Variants in MYO16 observed in about 807,000 individuals in gnomAD.
MYO16 encodes the protein unconventional myosin-XVI.
In MYO16, 94 loss-of-function variants were observed where a neutral mutation model predicts 205.3. That is an observed-to-expected ratio of 0.46 (90% CI 0.39 to 0.54). The LOEUF (loss-of-function observed/expected upper bound fraction) is 0.54. Among genes scored for constraint, MYO16 ranks in the 20% least tolerant of loss-of-function variants. The pLI is 0.00. For synonymous variants in MYO16, 988 were observed against 954.0 expected (o/e 1.04, Z -0.66); for missense variants, 2,315 against 2,387.5 (o/e 0.97, Z 0.63).
intron 33 of MYO16, among the ~76,000 whole-genome samples, chr13:109,172,896 G>A (rs2139897032): frequency 6.6e-6 from 1 of 152,330 alleles, no homozygotes; most frequent in African/African-American, 2.4e-5. Context: ...TAGTAGATCA[G>A]TGCTTTATGA....
At chr13:108,760,001 T>TG (rs1286130500) in intron 4 of MYO16, among the ~76,000 whole-genome samples, 1 of 152,232 alleles carries the variant, frequency 6.6e-6, no homozygotes, top group Non-Finnish European at 1.5e-5. Context: ...CAATGTGTAA[T>TG]GATCAGATCA....
the MYO16 span, among the ~76,000 whole-genome samples, chr13:108,574,065 C>G: frequency 6.6e-6 from 1 of 152,246 alleles, no homozygotes; most frequent in African/African-American, 2.4e-5. Flanking sequence ...GTTACCCAGG[C>G]TGGTCTCAAA....
chr13:108,574,264 G>A, the MYO16 span, among the ~76,000 whole-genome samples: 1 of 152,150 alleles, frequency 6.6e-6, no homozygotes, highest in African/African-American at 2.4e-5. Flanking sequence ...CCAGCTTTCT[G>A]TAGTTCTAGG....
chr13:109,084,406 A>G (rs1001110925), intron 27 of MYO16, among the ~76,000 whole-genome samples: 1 of 152,168 alleles, frequency 6.6e-6, no homozygotes, highest in Non-Finnish European at 1.5e-5. Flanking sequence ...GTGCCAATTA[A>G]AGTTACATTG....
At chr13:108,630,760 G>A (rs1449080258) in intron 1 of MYO16, among the ~76,000 whole-genome samples, 2 of 152,082 alleles carry the variant, frequency 1.3e-5, no homozygotes, top group Non-Finnish European at 2.9e-5. Context: ...GCATATTAAG[G>A]GAACACATGT....
intron 7 of MYO16, among the ~76,000 whole-genome samples, chr13:108,807,203 T>C (rs1566341569): frequency 6.6e-6 from 1 of 152,206 alleles, no homozygotes; most frequent in South Asian, 2.1e-4. Flanking sequence ...TATATGGAGA[T>C]TTAAGTTAAT....
intron 4 of MYO16, among the ~76,000 whole-genome samples, chr13:108,743,130 A>G (rs1201804989): frequency 1.3e-5 from 2 of 152,206 alleles, no homozygotes; most frequent in Admixed American, 6.5e-5. Flanking sequence ...TTACATTGGT[A>G]TTAATTACTT....
At chr13:108,926,099 T>G (rs1398148199) in intron 16 of MYO16, among the ~76,000 whole-genome samples, 1 of 152,210 alleles carries the variant, frequency 6.6e-6, no homozygotes, top group East Asian at 1.9e-4. Context: ...GGAAACCTCC[T>G]TAATTTTCAG....
At chr13:108,880,291 A>C (rs895695347) in intron 12 of MYO16, among the ~76,000 whole-genome samples, 1 of 151,906 alleles carries the variant, frequency 6.6e-6, no homozygotes, top group African/African-American at 2.4e-5. Context: ...GATTGCAAAA[A>C]TTTTCTCCCA....
At chr13:108,871,348 G>GTGTGTA (rs1555307572) in intron 12 of MYO16, among the ~76,000 whole-genome samples, 1 of 145,494 alleles carries the variant, frequency 6.9e-6, no homozygotes, top group East Asian at 2.3e-4. Flanking sequence ...GTGTGTGTGT[G>GTGTGTA]TGTGTGTGTG....
intron 4 of MYO16, among the ~76,000 whole-genome samples, chr13:108,750,668 G>C: frequency 6.6e-6 from 1 of 150,844 alleles, no homozygotes; most frequent in Non-Finnish European, 1.5e-5. Flanking sequence ...TTAGCCAAGC[G>C]TGGTGGCGTG....
chr13:108,524,225 G>A, the MYO16 span, among the ~76,000 whole-genome samples: 1 of 151,874 alleles, frequency 6.6e-6, no homozygotes. Context: ...GCTTGAACCT[G>A]GGAAGCAGAG....
chr13:108,614,193 A>G (rs1297983643), intron 1 of MYO16, among the ~76,000 whole-genome samples: 1 of 152,130 alleles, frequency 6.6e-6, no homozygotes, highest in Non-Finnish European at 1.5e-5. Context: ...TGAACAACTT[A>G]AAAATGAACT....
At chr13:109,065,713 G>T (rs1189004421) in intron 27 of MYO16, 13 of 345,714 alleles carry the variant, frequency 3.8e-5, no homozygotes, top group Non-Finnish European at 6.7e-5. Flanking sequence ...TGGTCCTATG[G>T]CTCTCTCTCA....
chr13:108,672,898 A>G (rs1463514279), intron 2 of MYO16, among the ~76,000 whole-genome samples: 4 of 151,974 alleles, frequency 2.6e-5, no homozygotes, highest in Admixed American at 1.3e-4. Flanking sequence ...CTTCGTACTA[A>G]TTAGTCCACA....
chr13:108,974,334 T>C (rs113436169), intron 20 of MYO16, among the ~76,000 whole-genome samples: 21 of 152,138 alleles, frequency 1.4e-4, no homozygotes, highest in African/African-American at 4.8e-4. Context: ...ATAGTGTATC[T>C]CAACCTCTTC....
chr13:108,576,464 G>A, the MYO16 span, among the ~76,000 whole-genome samples: 3 of 152,278 alleles, frequency 2.0e-5, no homozygotes, highest in East Asian at 1.9e-4. Flanking sequence ...TGAAATGGAA[G>A]AGTAAAATGT....
intron 27 of MYO16, among the ~76,000 whole-genome samples, chr13:109,071,713 T>C (rs1887931026): frequency 6.6e-6 from 1 of 151,966 alleles, no homozygotes; most frequent in African/African-American, 2.4e-5. Flanking sequence ...ATACCTATAC[T>C]TTTTTTTAAT....
the MYO16 span, among the ~76,000 whole-genome samples, chr13:108,500,241 G>GT: frequency 6.0e-3 from 28 of 4,702 alleles, 4 homozygotes; most frequent in African/African-American, 0.013. Context: ...TGTTTTTTTT[G>GT]TTTTTTTTTT....
Sources: allele counts gnomAD v4.1 joint callset (sites outside exome capture counted in the v4.1 genomes callset), GRCh38; gene constraint gnomAD v4.1.1; transcripts MANE v1.5; gene names NCBI Gene and HGNC (gene_info 2026-07-23, HGNC 2026-07-21).